The following MGMT variants were observed in gnomAD, a reference collection of about 807,000 sequenced individuals.
The protein encoded by MGMT is O-6-methylguanine-DNA methyltransferase.
MGMT carries 14 observed loss-of-function variants against 15.9 expected under a neutral mutation model. The observed-to-expected ratio is 0.88, with a 90% CI of 0.58 to 1.37. MGMT has a LOEUF of 1.37. Among genes scored for constraint, MGMT ranks in the 40% most tolerant of loss-of-function variants. MGMT has a pLI of 0.00. For synonymous variants in MGMT, 130 were observed against 118.2 expected (o/e 1.10, Z -0.65); for missense variants, 282 against 268.1 (o/e 1.05, Z -0.36).
At chr10:129,712,734 C>T (rs959997695) in intron 3 of MGMT, among the ~76,000 whole-genome samples, 6 of 152,194 alleles carry the variant, frequency 3.9e-5, no homozygotes, top group African/African-American at 1.4e-4. Context: ...AAGAGAGTGG[C>T]GTCATTACTT....
At chr10:129,684,507 A>G (rs915858431) in intron 2 of MGMT, among the ~76,000 whole-genome samples, 1 of 152,234 alleles carries the variant, frequency 6.6e-6, no homozygotes, top group Non-Finnish European at 1.5e-5. Flanking sequence ...TTCTCAAAAG[A>G]TATCTTTTCT....
At chr10:129,547,864 G>A (rs1365292942) in intron 2 of MGMT, among the ~76,000 whole-genome samples, 3 of 152,222 alleles carry the variant, frequency 2.0e-5, no homozygotes, top group Non-Finnish European at 4.4e-5. Flanking sequence ...CACTGGTCAG[G>A]TGGGGCTGGA....
intron 2 of MGMT, among the ~76,000 whole-genome samples, chr10:129,598,232 T>C (rs72838513): frequency 0.032 from 4,865 of 152,316 alleles, 128 homozygotes; most frequent in South Asian, 0.066. Context: ...GTCATGAATC[T>C]GTCGTGTTTC....
intron 2 of MGMT, among the ~76,000 whole-genome samples, chr10:129,697,762 C>G (rs1439730036): frequency 6.6e-6 from 1 of 152,182 alleles, no homozygotes; most frequent in Non-Finnish European, 1.5e-5. Flanking sequence ...AGTCAGCCAC[C>G]TTGCCTGTGG....
intron 2 of MGMT, among the ~76,000 whole-genome samples, chr10:129,562,367 A>C (rs979034269): frequency 6.6e-6 from 1 of 152,222 alleles, no homozygotes; most frequent in Non-Finnish European, 1.5e-5. Context: ...TCAGTGACCC[A>C]CCTGATTACA....
intron 1 of MGMT, among the ~76,000 whole-genome samples, chr10:129,473,522 G>C (rs1251154471): frequency 2.0e-5 from 3 of 152,196 alleles, no homozygotes; most frequent in African/African-American, 7.2e-5. Context: ...TCCTGGGATA[G>C]AGGTAGAGTT....
chr10:129,468,017 A>G (rs1845189160), intron 1 of MGMT, among the ~76,000 whole-genome samples: 1 of 152,190 alleles, frequency 6.6e-6, no homozygotes, highest in African/African-American at 2.4e-5. Flanking sequence ...ATGTGTGTGC[A>G]ACCTATGCCT....
chr10:129,521,837 G>C (rs917535809), intron 1 of MGMT, among the ~76,000 whole-genome samples: 1 of 152,240 alleles, frequency 6.6e-6, no homozygotes, highest in African/African-American at 2.4e-5. Flanking sequence ...CCCGGTGCTA[G>C]TGCCAGCATG....
intron 2 of MGMT, among the ~76,000 whole-genome samples, chr10:129,637,745 G>A (rs1327152657): frequency 6.6e-6 from 1 of 152,096 alleles, no homozygotes. Context: ...AGGAGATTAG[G>A]GCACAGATAT....
At chr10:129,616,462 A>C (rs111493810) in intron 2 of MGMT, among the ~76,000 whole-genome samples, 1 of 152,108 alleles carries the variant, frequency 6.6e-6, no homozygotes, top group Non-Finnish European at 1.5e-5. Context: ...GGGCTTTCTT[A>C]GTGCCAGGGC....
intron 2 of MGMT, among the ~76,000 whole-genome samples, chr10:129,667,526 C>T (rs960853875): frequency 6.6e-6 from 1 of 152,104 alleles, no homozygotes; most frequent in Non-Finnish European, 1.5e-5. Context: ...GTATCTTCCA[C>T]TCTGATGGAC....
Position 129,533,975 on chromosome 10 carries a change from G to A in MGMT, c.-12-2266G>A, listed in dbSNP as rs887593098. On this transcript the variant is annotated intron_variant, in intron 1 of 4. Coordinates refer to ENST00000651593, the MANE Select transcript of MGMT (RefSeq NM_002412.5). The surrounding 1 kb of genome is among the most constrained non-coding windows in gnomAD (Gnocchi z 4.5). Reference sequence around the variant, plus strand: ...GGGGATAAGATCAGAGGTGAAGGGGGTTGGGCTAAAATGTTGATCATGGTG... The same window carrying A: ...GGGGATAAGATCAGAGGTGAAGGGGATTGGGCTAAAATGTTGATCATGGTG... Among the ~76,000 whole-genome samples, 5 of 152,042 alleles carry A rather than the reference G, an allele frequency of 3.3e-5. No homozygotes were observed. Among genetic ancestry groups the A allele is most frequent in the Admixed American group, 6.6e-5 (1 of 15,264 alleles).
At chr10:129,678,777 G>T (rs924131798) in intron 2 of MGMT, among the ~76,000 whole-genome samples, 1 of 152,112 alleles carries the variant, frequency 6.6e-6, no homozygotes. Flanking sequence ...AGCCATAAGG[G>T]ACTGTTAGGA....
intron 2 of MGMT, among the ~76,000 whole-genome samples, chr10:129,553,051 G>T (rs1474375317): frequency 6.6e-6 from 1 of 152,158 alleles, no homozygotes; most frequent in Non-Finnish European, 1.5e-5. Context: ...GATCCACCAC[G>T]ATGTCTCCTC....
chr10:129,557,949 G>A (rs1436482742), intron 2 of MGMT, among the ~76,000 whole-genome samples: 1 of 152,172 alleles, frequency 6.6e-6, no homozygotes, highest in Admixed American at 6.5e-5. Flanking sequence ...GAAATGAAGG[G>A]CCTCTTGCAG....
intron 2 of MGMT, among the ~76,000 whole-genome samples, chr10:129,602,530 C>T (rs1846836216): frequency 6.6e-6 from 1 of 152,146 alleles, no homozygotes; most frequent in African/African-American, 2.4e-5. Context: ...AAATCTGTGT[C>T]ACAATCCAAA....
At chr10:129,496,778 A>G (rs927228105) in intron 1 of MGMT, among the ~76,000 whole-genome samples, 1 of 152,202 alleles carries the variant, frequency 6.6e-6, no homozygotes, top group Non-Finnish European at 1.5e-5. Flanking sequence ...TTCATCATCT[A>G]TACCTTTTCC....
chr10:129,734,675 C>T (rs1848540028), intron 3 of MGMT, among the ~76,000 whole-genome samples: 1 of 152,072 alleles, frequency 6.6e-6, no homozygotes, highest in South Asian at 2.1e-4. Flanking sequence ...TTTGCCCATT[C>T]AGTATGATAT....
chr10:129,635,123 A>G (rs1847250963), intron 2 of MGMT, among the ~76,000 whole-genome samples: 1 of 152,164 alleles, frequency 6.6e-6, no homozygotes, highest in South Asian at 2.1e-4. Flanking sequence ...CTGTCAGGAA[A>G]AGTCATGCTC....
Sources: allele counts gnomAD v4.1 joint callset (sites outside exome capture counted in the v4.1 genomes callset), GRCh38; gene constraint gnomAD v4.1.1; non-coding constraint Gnocchi (gnomAD v3.1); transcripts MANE v1.5; gene names NCBI Gene and HGNC (gene_info 2026-07-23, HGNC 2026-07-21).